GABRR1: variants seen among roughly 807,000 people sequenced by gnomAD.
The protein encoded by GABRR1 is gamma-aminobutyric acid receptor subunit rho-1.
Under a neutral mutation model 55.5 loss-of-function variants are expected in GABRR1, and 59 were observed. The observed-to-expected ratio is 1.06, with a 90% CI of 0.86 to 1.32. The LOEUF is 1.32. Ranked by LOEUF, GABRR1 falls within the 40% of genes most tolerant of loss-of-function variation. The pLI is 0.00. For missense variants in GABRR1, 602 were observed against 619.1 expected (o/e 0.97, Z 0.29); for synonymous variants, 213 against 226.0 (o/e 0.94, Z 0.51).
chr6:89,217,693 G>C (rs1257608589), upstream of GABRR1: 1 of 195,204 alleles, frequency 5.1e-6, no homozygotes, highest in Non-Finnish European at 1.1e-5. Flanking sequence ...TCCAAGAGGA[G>C]TAAGGCCAGA....
rs746371349 is a variant in GABRR1 at position 89,199,370 on chromosome 6, CCT to C, written c.338_339del (p.Glu113GlyfsTer2). On this transcript the variant is annotated frameshift_variant, in exon 4 of 10. Coordinates refer to ENST00000454853, the MANE Select transcript of GABRR1 (RefSeq NM_002042.5). LOFTEE classifies it high-confidence loss of function. ...GTCAGAGAAGCACTTACCATGTCAA[CCT>C]CTGAGATGCTATCCAAACTCTCCAC... The part of the protein sequence containing the change: ...VQVESLDSIS[E>X]VDMDFTMTLY... The C allele has an allele frequency of 3.1e-6, 5 of 1,613,812 alleles. No homozygotes were observed. Among genetic ancestry groups the C allele is most frequent in the Middle Eastern group, 1.6e-4 (1 of 6,084 alleles).
chr6:89,191,423 G>A (rs1233661492), intron 5 of GABRR1, among the ~76,000 whole-genome samples: 1 of 152,182 alleles, frequency 6.6e-6, no homozygotes, highest in Admixed American at 6.5e-5. Context: ...TAACTTCAGG[G>A]ACACTTCGAG....
intron 5 of GABRR1, among the ~76,000 whole-genome samples, chr6:89,196,822 G>GGAACGAAAGAAAGAAA (rs1262381146): frequency 2.2e-5 from 2 of 91,062 alleles, no homozygotes; most frequent in Non-Finnish European, 4.3e-5. Context: ...AAGAAAAGAA[G>GGAACGAAAGAAAGAAA]GAAAGAAAGA....
chr6:89,220,375 C>T (rs1161880498), upstream of GABRR1, among the ~76,000 whole-genome samples: 1 of 152,168 alleles, frequency 6.6e-6, no homozygotes, highest in East Asian at 1.9e-4. Flanking sequence ...AGGCCACTTC[C>T]TCCATCCAGA....
chr6:89,189,991 A>G (rs1385584815), intron 6 of GABRR1, among the ~76,000 whole-genome samples, 174 bp downstream of exon 6: 6 of 152,078 alleles, frequency 3.9e-5, no homozygotes, highest in African/African-American at 1.4e-4. Context: ...GGTTGCAGTG[A>G]GCAGAGACTG....
intron 5 of GABRR1, among the ~76,000 whole-genome samples, chr6:89,197,295 C>G (rs1772327109): frequency 6.6e-6 from 1 of 152,224 alleles, no homozygotes. Context: ...CTGGAATGCA[C>G]CGTCCACAAA....
intron 1 of GABRR1, among the ~76,000 whole-genome samples, chr6:89,213,305 C>T (rs1562313617): frequency 6.6e-6 from 1 of 152,184 alleles, no homozygotes; most frequent in Admixed American, 6.5e-5. Context: ...TACAAATTAC[C>T]AGCAGCTTAT....
At chr6:89,191,696 T>C (rs1283508077) in intron 5 of GABRR1, among the ~76,000 whole-genome samples, 6 of 152,192 alleles carry the variant, frequency 3.9e-5, no homozygotes, top group African/African-American at 1.4e-4. Context: ...GGAGGGGCTC[T>C]TCCCTGCCCT....
chr6:89,180,829 G>A (rs750447301), intron 8 of GABRR1, among the ~76,000 whole-genome samples: 4 of 152,142 alleles, frequency 2.6e-5, no homozygotes, highest in Non-Finnish European at 5.9e-5. Context: ...GCATATATGA[G>A]CAGGTATATA....
At chr6:89,197,990 T>C (rs1292422804) in intron 5 of GABRR1, 30 bp downstream of exon 5, 43 of 1,589,490 alleles carry the variant, frequency 2.7e-5, no homozygotes, top group Non-Finnish European at 3.6e-5. Context: ...CTTTTCTTGG[T>C]TAATATGAAT....
chr6:89,230,865 G>T (rs1019033795), intron 1 of GABRR1, among the ~76,000 whole-genome samples: 1 of 149,736 alleles, frequency 6.7e-6, no homozygotes, highest in Non-Finnish European at 1.5e-5. Context: ...CCCCAGCCTC[G>T]CTGCCGCCTT....
chr6:89,222,343 G>T (rs1258009285), upstream of GABRR1, among the ~76,000 whole-genome samples: 3 of 152,226 alleles, frequency 2.0e-5, no homozygotes, highest in African/African-American at 7.2e-5. Flanking sequence ...AGTAGCAGTG[G>T]CTTGGATCCT....
chr6:89,201,878 G>T (rs933548534), intron 2 of GABRR1, among the ~76,000 whole-genome samples: 1 of 152,124 alleles, frequency 6.6e-6, no homozygotes, highest in African/African-American at 2.4e-5. Flanking sequence ...CTTCCCAGAT[G>T]ATTTTAATGT....
intron 1 of GABRR1, chr6:89,204,454 C>T (rs1183813189): frequency 7.5e-6 from 2 of 267,708 alleles, no homozygotes; most frequent in Non-Finnish European, 1.4e-5. Context: ...GTCCCTTGCA[C>T]AGTGTTGGAT....
chr6:89,179,002 T>A lies in GABRR1; in HGVS notation c.1208A>T (p.Asp403Val). The A allele has an allele frequency of 6.2e-7, 1 of 1,614,176 alleles. No individual in the cohort carries two copies. The highest frequency in any genetic ancestry group is 8.5e-7 in the Non-Finnish European group (1 of 1,180,010). ...GTTGTCCAGGTCATTCACCTCCCCA[T>A]CACTGTAGTTGCCGTCCAGCATCGC... ...RTAMLDGNYS[D>V]GEVNDLDNYM... The change falls in exon 10 of 10, where the codon GAT becomes GTT. Residue 403 changes from aspartate (D) to valine (V), a missense_variant. Transcript: ENST00000454853.
At chr6:89,192,929 C>A (rs754727650) in intron 5 of GABRR1, among the ~76,000 whole-genome samples, 4 of 152,136 alleles carry the variant, frequency 2.6e-5, no homozygotes, top group Non-Finnish European at 5.9e-5. Context: ...TTCAATATTA[C>A]CTTAGTAAAA....
At chr6:89,215,199 C>T (rs1485045682) in intron 1 of GABRR1, among the ~76,000 whole-genome samples, 1 of 152,216 alleles carries the variant, frequency 6.6e-6, no homozygotes, top group East Asian at 1.9e-4. Flanking sequence ...AGGTATATAT[C>T]CAAAGGACTT....
chr6:89,191,622 T>C (rs3798257), intron 5 of GABRR1, among the ~76,000 whole-genome samples: 23,709 of 152,120 alleles, frequency 0.16, 2,263 homozygotes, highest in Admixed American at 0.24. Flanking sequence ...AAAGCAACCA[T>C]TTGTGATGTA....
At chr6:89,187,567 T>G (rs777604969) in intron 6 of GABRR1, among the ~76,000 whole-genome samples, 2 of 152,136 alleles carry the variant, frequency 1.3e-5, no homozygotes, top group Non-Finnish European at 2.9e-5. Context: ...TCTCCAGAAC[T>G]CTTTTCATCT....
Sources: gnomAD v4.1 joint callset for allele counts (sites outside exome capture counted in the v4.1 genomes callset) on GRCh38, gnomAD v4.1.1 for gene constraint, MANE v1.5 for transcripts, NCBI Gene and HGNC (gene_info 2026-07-23, HGNC 2026-07-21) for gene names.